The following SHQ1 variants were observed in gnomAD, a reference collection of about 807,000 sequenced individuals.
SHQ1 encodes the protein protein SHQ1 homolog.
A neutral mutation model predicts 53.8 loss-of-function variants in SHQ1; 49 were observed. The observed-to-expected ratio is 0.91, with a 90% CI of 0.72 to 1.16. The LOEUF (loss-of-function observed/expected upper bound fraction) is 1.16, where lower values mean the gene tolerates loss of function less well. SHQ1 is among the 50% of genes most tolerant of loss of function. The pLI is 0.00. For synonymous variants in SHQ1, 243 were observed against 251.0 expected (o/e 0.97, Z 0.30); for missense variants, 738 against 683.1 (o/e 1.08, Z -0.90).
the SHQ1 span, among the ~76,000 whole-genome samples, chr3:72,738,328 G>T: frequency 2.0e-5 from 3 of 152,136 alleles, no homozygotes; most frequent in African/African-American, 7.2e-5. Context: ...TCTGTAAAGG[G>T]CTAGCTAGGC....
At chr3:72,785,739 T>C (rs748992696) in intron 10 of SHQ1, among the ~76,000 whole-genome samples, 1 of 152,238 alleles carries the variant, frequency 6.6e-6, no homozygotes, top group Non-Finnish European at 1.5e-5. Context: ...CTCATCTGCA[T>C]GATGTTATTT....
At chr3:72,785,727 T>C (rs1706211936) in intron 10 of SHQ1, among the ~76,000 whole-genome samples, 2 of 152,244 alleles carry the variant, frequency 1.3e-5, no homozygotes, top group African/African-American at 4.8e-5. Flanking sequence ...TCTCCTTGTC[T>C]ACTCATCTGC....
intron 10 of SHQ1, among the ~76,000 whole-genome samples, chr3:72,751,534 A>G (rs987616868): frequency 7.0e-6 from 1 of 142,772 alleles, no homozygotes; most frequent in South Asian, 2.1e-4. Flanking sequence ...ATATATACAT[A>G]TACATACACT....
chr3:72,763,022 T>TACACAC lies in SHQ1; in HGVS notation c.1182-12192_1182-12187dup, dbSNP rs35278618. Among the ~76,000 whole-genome samples the TACACAC allele has an allele frequency of 3.3e-3, 444 of 132,714 alleles. 1 individual carries two copies. Among genetic ancestry groups the TACACAC allele is most frequent in the Middle Eastern group, 7.1e-3 (2 of 282 alleles). 87.1% of individuals were successfully genotyped at this position (132,714 alleles called of 152,430 possible). On this transcript the variant is annotated intron_variant, in intron 10 of 10. Coordinates refer to ENST00000325599, the MANE Select transcript of SHQ1 (RefSeq NM_018130.3). ...TCACCTTTATTATGCCATCTTGTTT[T>TACACAC]ACACACACACACACACACACACACA...
chr3:72,778,974 G>A (rs1706017765), intron 10 of SHQ1, among the ~76,000 whole-genome samples: 1 of 152,074 alleles, frequency 6.6e-6, no homozygotes, highest in Non-Finnish European at 1.5e-5. Flanking sequence ...TCCCTAGTCA[G>A]GCTACACTCA....
At chr3:72,754,384 C>CT (rs376060192) in intron 10 of SHQ1, among the ~76,000 whole-genome samples, 2,770 of 140,896 alleles carry the variant, frequency 0.02, 97 homozygotes, top group African/African-American at 0.067. Context: ...TTTTCTTCTT[C>CT]TTTTTTTTTT....
chr3:72,763,744 A>G (rs2106723717), intron 10 of SHQ1, among the ~76,000 whole-genome samples: 1 of 152,360 alleles, frequency 6.6e-6, no homozygotes, highest in Admixed American at 6.5e-5. Flanking sequence ...TAGGGTTGCC[A>G]GCACTGCTGA....
the SHQ1 span, among the ~76,000 whole-genome samples, chr3:72,742,073 T>C: frequency 5.4e-3 from 824 of 151,916 alleles, 6 homozygotes; most frequent in Non-Finnish European, 8.8e-3. Flanking sequence ...AAATAAACTA[T>C]GCATCTGGGT....
chr3:72,841,435 G>C (rs1708177215), intron 3 of SHQ1, among the ~76,000 whole-genome samples: 1 of 151,624 alleles, frequency 6.6e-6, no homozygotes, highest in Non-Finnish European at 1.5e-5. Context: ...ATCTCAGCTA[G>C]AATATGAATA....
intron 1 of SHQ1, chr3:72,846,436 C>A: frequency 1.3e-6 from 1 of 769,102 alleles, no homozygotes; most frequent in Non-Finnish European, 2.0e-6. Flanking sequence ...GCTAGGACTA[C>A]AAGCGCGTGC....
chr3:72,726,383 C>T, the SHQ1 span, among the ~76,000 whole-genome samples: 2 of 152,034 alleles, frequency 1.3e-5, no homozygotes, highest in Admixed American at 6.6e-5. Flanking sequence ...CAGAGACCAG[C>T]TCTGTCGCCC....
At chr3:72,825,211 A>G (rs565846943) in intron 5 of SHQ1, among the ~76,000 whole-genome samples, 24 of 152,234 alleles carry the variant, frequency 1.6e-4, no homozygotes, top group Non-Finnish European at 3.4e-4. Context: ...TTGGACTGAA[A>G]TCTAGCACTT....
At chr3:72,739,222 T>C in the SHQ1 span, among the ~76,000 whole-genome samples, 14 of 152,200 alleles carry the variant, frequency 9.2e-5, no homozygotes, top group African/African-American at 3.4e-4. Context: ...CGAAGCCGTG[T>C]CACTTCTCAA....
chr3:72,741,652 C>G, the SHQ1 span, among the ~76,000 whole-genome samples: 3 of 151,822 alleles, frequency 2.0e-5, no homozygotes, highest in Non-Finnish European at 4.4e-5. Flanking sequence ...ACAAACAAGC[C>G]TAGCACAGCG....
chr3:72,824,324 A>C (rs1707578008), intron 6 of SHQ1, 100 bp downstream of exon 6: 3 of 1,371,258 alleles, frequency 2.2e-6, no homozygotes, highest in Non-Finnish European at 3.0e-6. Flanking sequence ...TAACATTATA[A>C]GGCAATTACA....
At chr3:72,754,438 A>G (rs937684791) in intron 10 of SHQ1, among the ~76,000 whole-genome samples, 12 of 151,404 alleles carry the variant, frequency 7.9e-5, no homozygotes. Context: ...CTGGAGTGCA[A>G]CAGCACGATC....
intron 8 of SHQ1, 123 bp from the exon 9 acceptor site, chr3:72,812,917 T>C: frequency 2.0e-6 from 2 of 987,360 alleles, no homozygotes; most frequent in Non-Finnish European, 3.0e-6. Context: ...TGAAGCCAAG[T>C]AGAAGAGAAA....
chr3:72,815,516 C>T, intron 7 of SHQ1, 113 bp from the exon 8 acceptor site: 1 of 783,928 alleles, frequency 1.3e-6, no homozygotes, highest in Admixed American at 2.0e-5. Context: ...CATATGAGAA[C>T]TAAGAAGTGT....
At chr3:72,838,780 T>C (rs1449641302) in intron 4 of SHQ1, among the ~76,000 whole-genome samples, 2 of 152,122 alleles carry the variant, frequency 1.3e-5, no homozygotes, top group Non-Finnish European at 2.9e-5. Context: ...TGTGAGCCAC[T>C]GCACCCAGCC....
Sources: gnomAD v4.1 joint callset for allele counts (sites outside exome capture counted in the v4.1 genomes callset) on GRCh38, gnomAD v4.1.1 for gene constraint, MANE v1.5 for transcripts, NCBI Gene and HGNC (gene_info 2026-07-23, HGNC 2026-07-21) for gene names.